Variants in NEK6 observed in about 807,000 individuals in gnomAD.
NEK6 encodes the protein serine/threonine-protein kinase Nek6.
Under a neutral mutation model 43.5 loss-of-function variants are expected in NEK6, and 27 were observed. The ratio of observed to expected loss-of-function variants is 0.62; its 90% CI spans 0.46 to 0.86. The LOEUF (loss-of-function observed/expected upper bound fraction) is 0.86, where lower values mean the gene tolerates loss of function less well. Ranked by LOEUF, NEK6 falls within the 40% of genes least tolerant of loss-of-function variation. The pLI is 0.00. For missense variants in NEK6, 318 were observed against 414.4 expected, an observed-to-expected ratio of 0.77 and a Z score of 2.02; for synonymous variants, 167 against 164.1, an observed-to-expected ratio of 1.02 and a Z score of -0.14.
intron 1 of NEK6, among the ~76,000 whole-genome samples, chr9:124,294,225 G>A (rs963597412): frequency 6.6e-6 from 1 of 152,212 alleles, no homozygotes; most frequent in Admixed American, 6.5e-5. Context: ...AATTAGCTGG[G>A]CGTGATGGTG....
intron 8 of NEK6, among the ~76,000 whole-genome samples, chr9:124,341,745 CG>C (rs976970541): frequency 6.7e-6 from 1 of 148,778 alleles, no homozygotes; most frequent in African/African-American, 2.5e-5. Context: ...TGGGTGGGCT[CG>C]GGGGAGGGCA....
intron 2 of NEK6, among the ~76,000 whole-genome samples, chr9:124,307,588 G>C (rs1833320130): frequency 6.6e-6 from 1 of 152,186 alleles, no homozygotes; most frequent in African/African-American, 2.4e-5. Flanking sequence ...CAGCCTCCCT[G>C]TCCCCCGGCC....
intron 1 of NEK6, among the ~76,000 whole-genome samples, chr9:124,270,464 A>AAT: frequency 6.6e-6 from 1 of 152,282 alleles, no homozygotes; most frequent in South Asian, 2.1e-4. Context: ...AGGGCCAGCT[A>AAT]CAAAATTTGT....
At chr9:124,257,873 AGCGCGCACGAGCGCTGGGGGCG>A (rs1830866342), upstream of NEK6, 9 of 1,005,018 alleles carry the variant, frequency 9.0e-6, no homozygotes, top group South Asian at 4.6e-5. Context: ...GCGTGGCGGC[AGCGCGCACGAGCGCTGGGGGCG>A]GCGCGGCCCC....
At chr9:124,349,278 T>G (rs1830124650) in intron 9 of NEK6, among the ~76,000 whole-genome samples, 1 of 152,252 alleles carries the variant, frequency 6.6e-6, no homozygotes, top group Admixed American at 6.5e-5. Context: ...TAGTTGCCAT[T>G]TGCTTTTTTC....
intron 4 of NEK6, among the ~76,000 whole-genome samples, chr9:124,315,823 G>C (rs1248419354): frequency 6.6e-6 from 1 of 152,234 alleles, no homozygotes; most frequent in Non-Finnish European, 1.5e-5. Flanking sequence ...CACCAAGCCG[G>C]GGTTTCAGAG....
At position 124,351,231 on chromosome 9, in the gene NEK6, GC is replaced by G; in HGVS notation, c.*289del. On this transcript the variant is annotated 3_prime_UTR_variant, in exon 10 of 10. Coordinates refer to ENST00000320246, the MANE Select transcript of NEK6 (RefSeq NM_014397.6). ...GCAGGTGGTTCAGCGAGCCACGGCA[GC>G]CCCCTGTATCTGGATTGTAATGTGA... 2.9e-6 allele frequency: 1 copy of G among 339,584 alleles called. No individual in the cohort carries two copies. The highest frequency in any genetic ancestry group is 5.6e-6 in the Non-Finnish European group (1 of 180,028). 21.0% of individuals were successfully genotyped at this position (339,584 alleles called of 1,614,324 possible).
rs1007807910 is a variant in NEK6 at position 124,351,056 on chromosome 9, C to T, written c.*109C>T. ...CTAGAACAGCTAAGACCACAGGGTT[C>T]AGCAGGTTCCCCAAAAGGCTGCCCA... is the stretch of plus-strand genomic sequence containing the variant. On this transcript the variant is annotated 3_prime_UTR_variant, in exon 10 of 10. Transcript: ENST00000320246. 12 of 708,492 alleles carry T rather than the reference C, an allele frequency of 1.7e-5. No homozygotes were observed. The African/African-American group carries it at 2.1e-4, about 13-fold the overall frequency. The allele number at this position is 708,492 out of a possible 1,614,324, so 43.9% of individuals were successfully genotyped here.
At chr9:124,291,626 C>CAAAT (rs911500400) in intron 1 of NEK6, among the ~76,000 whole-genome samples, 21 of 148,290 alleles carry the variant, frequency 1.4e-4, no homozygotes, top group African/African-American at 3.5e-4. Flanking sequence ...AACTCCATCT[C>CAAAT]AAATAAATAA....
At chr9:124,310,708 C>T (rs1226471238) in intron 2 of NEK6, among the ~76,000 whole-genome samples, 1 of 152,216 alleles carries the variant, frequency 6.6e-6, no homozygotes, top group East Asian at 1.9e-4. Context: ...AGCAATTCTC[C>T]TGCCTCGGCC....
intron 1 of NEK6, among the ~76,000 whole-genome samples, chr9:124,278,095 A>C (rs1175260518): frequency 6.6e-6 from 1 of 152,092 alleles, no homozygotes; most frequent in East Asian, 1.9e-4. Context: ...TACCTTTTCC[A>C]CGTGTAAACA....
intron 1 of NEK6, among the ~76,000 whole-genome samples, chr9:124,263,351 G>A (rs966664698): frequency 1.3e-5 from 2 of 152,166 alleles, no homozygotes; most frequent in African/African-American, 2.4e-5. Context: ...CCCCACAGCC[G>A]CATTGAGAGC....
At chr9:124,308,533 T>C (rs886834064) in intron 2 of NEK6, among the ~76,000 whole-genome samples, 2 of 151,840 alleles carry the variant, frequency 1.3e-5, no homozygotes, top group African/African-American at 4.8e-5. Context: ...GGGCACCTGC[T>C]ACTCCCCAGC....
intron 8 of NEK6, among the ~76,000 whole-genome samples, chr9:124,341,326 T>C (rs1588542361): frequency 6.6e-6 from 1 of 152,256 alleles, no homozygotes; most frequent in South Asian, 2.1e-4. Context: ...GGAGGTGTGG[T>C]CCTTGTGGAA....
At chr9:124,303,512 G>A (rs1021342565) in intron 2 of NEK6, among the ~76,000 whole-genome samples, 13 of 152,356 alleles carry the variant, frequency 8.5e-5, no homozygotes, top group South Asian at 8.3e-4. Flanking sequence ...AGCTGCATCA[G>A]CCCAAGGAGG....
intron 7 of NEK6, among the ~76,000 whole-genome samples, chr9:124,338,260 C>T (rs1340325389): frequency 6.6e-6 from 1 of 152,218 alleles, no homozygotes; most frequent in Non-Finnish European, 1.5e-5. Context: ...GGTTTACAGG[C>T]GTGAGCCACC....
At chr9:124,288,643 A>G (rs1832263767) in intron 1 of NEK6, among the ~76,000 whole-genome samples, 1 of 152,048 alleles carries the variant, frequency 6.6e-6, no homozygotes, top group African/African-American at 2.4e-5. Context: ...CTGGGCTGGT[A>G]TTTTACCTGC....
chr9:124,351,130 C>T lies in NEK6; in HGVS notation c.*183C>T. ...AGAGCAGCTGAGGGAGGGGCGCTGG[C>T]CACATGTCACTGATGGTCAGATTCC... On this transcript the variant is annotated 3_prime_UTR_variant, in exon 10 of 10. Coordinates refer to ENST00000320246, the MANE Select transcript of NEK6 (RefSeq NM_014397.6). 1 of 562,942 alleles carries T rather than the reference C, an allele frequency of 1.8e-6. No homozygotes were observed. Among genetic ancestry groups the T allele is most frequent in the Non-Finnish European group, 3.2e-6 (1 of 312,682 alleles). 34.9% of individuals were successfully genotyped at this position (562,942 alleles called of 1,614,324 possible).
chr9:124,280,681 C>T lies in NEK6; in HGVS notation c.-29-21255C>T, dbSNP rs547949923. ...CTGGAGCACCAGGCATCTGGCACCT[C>T]GCTCTGTGGCTAGGCACGGGTTTAT... On this transcript the variant is annotated intron_variant, in intron 1 of 9. Coordinates refer to ENST00000320246, the MANE Select transcript of NEK6 (RefSeq NM_014397.6). Among the ~76,000 whole-genome samples, 3 of 152,344 alleles carry T rather than the reference C, an allele frequency of 2.0e-5. No homozygotes were observed. The South Asian group carries it at 6.2e-4, about 32-fold the overall frequency.
Sources: gnomAD v4.1 joint callset for allele counts (sites outside exome capture counted in the v4.1 genomes callset) on GRCh38, gnomAD v4.1.1 for gene constraint, MANE v1.5 for transcripts, NCBI Gene and HGNC (gene_info 2026-07-23, HGNC 2026-07-21) for gene names.